PTPRB: variants seen among roughly 807,000 people sequenced by gnomAD.
The protein encoded by PTPRB is receptor-type tyrosine-protein phosphatase beta.
PTPRB carries 97 observed loss-of-function variants against 238.1 expected under a neutral mutation model. The ratio of observed to expected loss-of-function variants is 0.41; its 90% CI spans 0.35 to 0.48. The LOEUF is 0.48. Among genes scored for constraint, PTPRB ranks in the 20% least tolerant of loss-of-function variants. The pLI is 0.30. For missense variants in PTPRB, 2,292 were observed against 2,681.9 expected (o/e 0.85, Z 3.21); for synonymous variants, 970 against 995.4 (o/e 0.97, Z 0.48).
rs539027371 is a variant in PTPRB, at chr12:70,560,898, C to G, written c.4205G>C (p.Arg1402Pro). The change falls in exon 17 of 34, where the codon CGG becomes CCG. Residue 1402 changes from arginine to proline, a missense_variant. By Grantham distance (103) the Arg-to-Pro change is moderately radical. Transcript: ENST00000334414. The surrounding 1 kb of genome is among the most constrained non-coding windows in gnomAD (Gnocchi z 4.2). ...ASVSHLRGSN[R>P]NTTDSLWFNW... ...GAACCAAAGGCTGTCTGTCGTGTTC[C>G]GATTGGACCCCCTGAGATGACTCAC... is the stretch of plus-strand genomic sequence containing the variant. 1 of 1,613,494 alleles carries G rather than the reference C, an allele frequency of 6.2e-7. No homozygotes were observed.
At chr12:70,549,747 G>A (rs1322578210) in intron 21 of PTPRB, among the ~76,000 whole-genome samples, 1 of 152,150 alleles carries the variant, frequency 6.6e-6, no homozygotes, top group Non-Finnish European at 1.5e-5. Flanking sequence ...ATGTGCTTTG[G>A]GAGACGACAC....
intron 3 of PTPRB, among the ~76,000 whole-genome samples, chr12:70,615,476 CA>C: frequency 6.6e-6 from 1 of 152,298 alleles, no homozygotes; most frequent in East Asian, 1.9e-4. Context: ...ACCCATTTAT[CA>C]GCCTCTTCCC....
chr12:70,565,075 T>G (rs919267767), intron 15 of PTPRB, among the ~76,000 whole-genome samples: 2 of 152,090 alleles, frequency 1.3e-5, no homozygotes, highest in Admixed American at 6.6e-5. Context: ...CTTCTGTATA[T>G]CCAGCAGTTA....
At chr12:70,632,327 G>A (rs1885488986) in intron 2 of PTPRB, among the ~76,000 whole-genome samples, 1 of 152,080 alleles carries the variant, frequency 6.6e-6, no homozygotes, top group Admixed American at 6.6e-5. Flanking sequence ...ACTATCACAA[G>A]GACAGAAAAC....
intron 2 of PTPRB, among the ~76,000 whole-genome samples, chr12:70,623,993 A>C (rs1314480127): frequency 6.6e-6 from 1 of 152,226 alleles, no homozygotes; most frequent in African/African-American, 2.4e-5. Context: ...ATTTATCAAG[A>C]TATAAATATC....
chr12:70,584,122 A>T (rs1881648241), intron 9 of PTPRB, among the ~76,000 whole-genome samples: 1 of 152,208 alleles, frequency 6.6e-6, no homozygotes, highest in South Asian at 2.1e-4. Context: ...AAAAGTGAAC[A>T]TAACAATTAA....
At position 70,560,909 on chromosome 12, in the gene PTPRB, C is replaced by T; in HGVS notation, c.4194G>A (p.Arg1398=). The T allele has an allele frequency of 3.1e-6, 5 of 1,613,334 alleles. No homozygotes were observed. The highest frequency in any genetic ancestry group is 4.2e-6 in the Non-Finnish European group (5 of 1,179,346). Reference sequence around the variant, plus strand: ...TGTCTGTCGTGTTCCGATTGGACCCCCTGAGATGACTCACAGAGGCTGGGA... The same window carrying T: ...TGTCTGTCGTGTTCCGATTGGACCCTCTGAGATGACTCACAGAGGCTGGGA... The part of the protein sequence containing the change: ...RTVPASVSHL[R]GSNRNTTDSL... The change falls in exon 17 of 34, where the codon AGG becomes AGA. Residue 1398 remains arginine, a synonymous_variant. Transcript: ENST00000334414. This position sits in a 1 kb window ranked among gnomAD's most constrained non-coding sequence, Gnocchi z 4.2.
rs1234869788 is a variant in PTPRB at position 70,518,077 on chromosome 12, C to G, written c.*3412G>C. ...TCCGAGAGGTGATTACAAAATTTAT[C>G]AAAGACCCTCCCAAAGAAAACTGCC... On this transcript the variant is annotated 3_prime_UTR_variant, in exon 34 of 34. Transcript: ENST00000334414. The G allele has an allele frequency of 2.6e-5, 4 of 152,050 alleles. No individual in the cohort carries two copies. Among genetic ancestry groups the G allele is most frequent in the African/African-American group, 9.7e-5 (4 of 41,394 alleles). The allele number at this position is 152,050 out of a possible 1,614,324, so 9.4% of individuals were successfully genotyped here. A position where few individuals can be genotyped will look rare whatever the true frequency, so the allele number is the denominator to read the frequency against.
intron 4 of PTPRB, among the ~76,000 whole-genome samples, chr12:70,597,634 AG>A (rs1382357136): frequency 6.6e-6 from 1 of 152,208 alleles, no homozygotes; most frequent in Non-Finnish European, 1.5e-5. Flanking sequence ...TTGAAGGGTC[AG>A]GTCAGATATT....
At chr12:70,626,369 T>TCCTGCCTGCCTGCCTG (rs757749640) in intron 2 of PTPRB, among the ~76,000 whole-genome samples, 6 of 124,510 alleles carry the variant, frequency 4.8e-5, no homozygotes, top group East Asian at 2.5e-4. Flanking sequence ...CTATCTATAT[T>TCCTGCCTGCCTGCCTG]CCTGCCTGCC....
chr12:70,571,875 T>C lies in PTPRB; in HGVS notation c.3055A>G (p.Thr1019Ala). The C allele has an allele frequency of 6.2e-7, 1 of 1,613,932 alleles. No homozygotes were observed. Among genetic ancestry groups the C allele is most frequent in the African/African-American group, 1.3e-5 (1 of 75,068 alleles). ...VPGRLYSVTV[T>A]TKSGQYEANE... Reference sequence around the variant, plus strand: ...GCTTCATATTGTCCACTTTTTGTAGTAACAGTGACACTGTACAACCGTCCA... The same window carrying C: ...GCTTCATATTGTCCACTTTTTGTAGCAACAGTGACACTGTACAACCGTCCA... The change falls in exon 12 of 34, where the codon ACT (threonine) becomes GCT (alanine). Residue 1019 changes from threonine to alanine, a missense_variant. Coordinates refer to ENST00000334414, the MANE Select transcript of PTPRB (RefSeq NM_001109754.4).
rs188490299 is a variant in PTPRB at position 70,516,404 on chromosome 12, A to G, written c.*5085T>C. 1.3e-5 allele frequency: 2 copies of G among 152,354 alleles called. No individual in the cohort carries two copies. Among genetic ancestry groups the G allele is most frequent in the Non-Finnish European group, 2.9e-5 (2 of 68,038 alleles). 9.4% of individuals were successfully genotyped at this position (152,354 alleles called of 1,614,324 possible). ...GAATTTATAAGCCCAATAGTCCTGC[A>G]TAGAAAACCAGAAATACTCTTCCAG... On this transcript the variant is annotated 3_prime_UTR_variant, in exon 34 of 34. Transcript: ENST00000334414.
intron 2 of PTPRB, among the ~76,000 whole-genome samples, chr12:70,627,941 A>C (rs757574428): frequency 8.5e-5 from 13 of 152,086 alleles, no homozygotes; most frequent in Non-Finnish European, 1.6e-4. Flanking sequence ...TTCTACGAAA[A>C]CTTTTTTCCC....
chr12:70,538,685 C>T (rs1159603524), intron 27 of PTPRB: 4 of 546,740 alleles, frequency 7.3e-6, no homozygotes, highest in East Asian at 6.0e-5. Flanking sequence ...GAAGCAATAG[C>T]ATCACATGGG....
intron 4 of PTPRB, 23 bp downstream of exon 4, chr12:70,609,046 C>CA (rs1884201151): frequency 6.2e-7 from 1 of 1,611,896 alleles, no homozygotes; most frequent in African/African-American, 1.3e-5. Flanking sequence ...CTTGGCCATC[C>CA]AATTGCACCT....
At position 70,553,001 on chromosome 12, in the gene PTPRB, T is replaced by C; in HGVS notation, c.5163A>G (p.Pro1721=). ...AGGAAGGGAGAGGGTGCTGCTGTTC[T>C]GGCTTCAGCTCATCACTGCCTGGAG... The part of the protein sequence containing the change: ...READGSDELK[P]EQQHPLPSYL... Residue 1721 remains proline, a synonymous_variant, in exon 21 of 34, where the codon CCA becomes CCG. Coordinates refer to ENST00000334414, the MANE Select transcript of PTPRB (RefSeq NM_001109754.4). 6.2e-7 allele frequency: 1 copy of C among 1,613,824 alleles called. No individual in the cohort carries two copies. Among genetic ancestry groups the C allele is most frequent in the Non-Finnish European group, 8.5e-7 (1 of 1,179,736 alleles).
At chr12:70,607,843 G>A (rs1210488145) in intron 4 of PTPRB, among the ~76,000 whole-genome samples, 4 of 151,528 alleles carry the variant, frequency 2.6e-5, no homozygotes, top group Middle Eastern at 3.4e-3. Context: ...GAGCCACTGC[G>A]CCCAGTCAGA....
chr12:70,576,361 T>G, intron 11 of PTPRB, 21 bp downstream of exon 11: 1 of 1,608,596 alleles, frequency 6.2e-7, no homozygotes, highest in Non-Finnish European at 8.5e-7. Flanking sequence ...TACGGAGCCC[T>G]GAACCTTCAT....
chr12:70,619,090 C>T (rs142991833), intron 3 of PTPRB, among the ~76,000 whole-genome samples: 183 of 151,906 alleles, frequency 1.2e-3, no homozygotes, highest in African/African-American at 4.2e-3. Context: ...AAATCATGTC[C>T]TCCTTGGCAT....
Sources: gnomAD v4.1 joint callset for allele counts (sites outside exome capture counted in the v4.1 genomes callset) on GRCh38, gnomAD v4.1.1 for gene constraint, Gnocchi (gnomAD v3.1) non-coding constraint, MANE v1.5 for transcripts, NCBI Gene and HGNC (gene_info 2026-07-23, HGNC 2026-07-21) for gene names.